ARHGAP39: variants seen among roughly 807,000 people sequenced by gnomAD.
The protein encoded by ARHGAP39 is Rho GTPase activating protein 39.
A neutral mutation model predicts 106.9 loss-of-function variants in ARHGAP39; 44 were observed. That is an observed-to-expected ratio of 0.41 (90% CI 0.32 to 0.53). The LOEUF (loss-of-function observed/expected upper bound fraction) is 0.53, where lower values mean the gene tolerates loss of function less well. Ranked by LOEUF, ARHGAP39 falls within the 20% of genes least tolerant of loss-of-function variation. The pLI, the probability that ARHGAP39 is intolerant of heterozygous loss-of-function variation, is 0.21. For synonymous variants in ARHGAP39, 768 were observed against 693.2 expected, an observed-to-expected ratio of 1.11 and a Z score of -1.69; for missense variants, 1,496 against 1,577.3, an observed-to-expected ratio of 0.95 and a Z score of 0.87.
chr8:144,603,177 G>A (rs1387074871), intron 2 of ARHGAP39, among the ~76,000 whole-genome samples: 1 of 139,726 alleles, frequency 7.2e-6, no homozygotes, highest in Non-Finnish European at 1.5e-5. Flanking sequence ...GCGAGCTCAT[G>A]TACCTGTGTG....
At chr8:144,554,289 T>C (rs1817832788) in intron 4 of ARHGAP39, among the ~76,000 whole-genome samples, 1 of 152,110 alleles carries the variant, frequency 6.6e-6, no homozygotes, top group Admixed American at 6.5e-5. Context: ...GGCAGGACGC[T>C]GGGGCGGGCT....
At chr8:144,570,140 C>G (rs111839317) in intron 3 of ARHGAP39, among the ~76,000 whole-genome samples, 10,449 of 152,214 alleles carry the variant, frequency 0.069, 1,174 homozygotes, top group African/African-American at 0.23. Flanking sequence ...AGAATTACTT[C>G]ACCCGGGGAG....
intron 7 of ARHGAP39, among the ~76,000 whole-genome samples, chr8:144,537,206 T>G (rs1586876372): frequency 6.9e-6 from 1 of 145,766 alleles, no homozygotes; most frequent in Non-Finnish European, 1.5e-5. Flanking sequence ...GTGGGGAGGG[T>G]GGGGAAGCCC....
At chr8:144,635,856 G>A (rs1821160773) in intron 1 of ARHGAP39, among the ~76,000 whole-genome samples, 1 of 117,102 alleles carries the variant, frequency 8.5e-6, no homozygotes, top group Admixed American at 8.6e-5. Flanking sequence ...GAGGGGGGCT[G>A]AGGCTACCGC....
At chr8:144,630,704 G>GATC (rs945132940) in intron 1 of ARHGAP39, among the ~76,000 whole-genome samples, 1 of 152,258 alleles carries the variant, frequency 6.6e-6, no homozygotes, top group African/African-American at 2.4e-5. Context: ...CCCAGGGGGT[G>GATC]ATCACGTCCT....
chr8:144,623,116 C>T (rs1021337395), intron 1 of ARHGAP39, among the ~76,000 whole-genome samples: 1 of 152,198 alleles, frequency 6.6e-6, no homozygotes, highest in African/African-American at 2.4e-5. Context: ...ATCTTTGAAT[C>T]GTTTGGAGGA....
intron 3 of ARHGAP39, among the ~76,000 whole-genome samples, chr8:144,561,955 C>A (rs1358299280): frequency 1.3e-5 from 2 of 151,186 alleles, no homozygotes; most frequent in African/African-American, 4.9e-5. Context: ...CCAGTGGTTT[C>A]CATCGGACTC....
At chr8:144,577,352 A>T (rs1586571564) in intron 3 of ARHGAP39, among the ~76,000 whole-genome samples, 1 of 152,226 alleles carries the variant, frequency 6.6e-6, no homozygotes, top group African/African-American at 2.4e-5. Context: ...CCACGTGATC[A>T]TCTTAACTGA....
At chr8:144,589,794 C>T (rs1819322796) in intron 2 of ARHGAP39, among the ~76,000 whole-genome samples, 1 of 152,240 alleles carries the variant, frequency 6.6e-6, no homozygotes, top group Non-Finnish European at 1.5e-5. Flanking sequence ...ATCAGCAGCC[C>T]TGGGCACAGC....
intron 1 of ARHGAP39, among the ~76,000 whole-genome samples, chr8:144,654,595 G>A (rs767268795): frequency 6.6e-6 from 1 of 152,218 alleles, no homozygotes; most frequent in African/African-American, 2.4e-5. Flanking sequence ...CAGCAGGGAG[G>A]CGTGGCCAGG....
intron 3 of ARHGAP39, among the ~76,000 whole-genome samples, chr8:144,579,478 C>T (rs1238115229): frequency 6.6e-6 from 1 of 152,154 alleles, no homozygotes; most frequent in African/African-American, 2.4e-5. Flanking sequence ...GCTGCTCACC[C>T]TGCCCTGAAT....
intron 1 of ARHGAP39, among the ~76,000 whole-genome samples, chr8:144,633,143 TTTTGTTTG>T (rs199734479): frequency 2.7e-5 from 4 of 148,612 alleles, no homozygotes; most frequent in Admixed American, 6.8e-5. Flanking sequence ...CCCTGTTTTT[TTTTGTTTG>T]TTTGTTTGTT....
chr8:144,616,402 AC>A (rs1820637305), intron 1 of ARHGAP39, among the ~76,000 whole-genome samples: 3 of 152,072 alleles, frequency 2.0e-5, no homozygotes, highest in Admixed American at 1.3e-4. Flanking sequence ...AAATGAGAAA[AC>A]CCATGGAAGG....
chr8:144,593,019 T>C (rs997859607), intron 2 of ARHGAP39, among the ~76,000 whole-genome samples: 2 of 152,146 alleles, frequency 1.3e-5, no homozygotes, highest in Non-Finnish European at 2.9e-5. Context: ...TAAAATGAAG[T>C]GGGAAGAGAA....
Position 144,676,385 on chromosome 8 carries a change from T to C in ARHGAP39, c.-82+9301A>G, listed in dbSNP as rs542398645. 4.0e-5 allele frequency among the ~76,000 whole-genome samples: 6 copies of C among 151,726 alleles called. No homozygotes were observed. The South Asian group carries it at 1.2e-3, about 32-fold the overall frequency. On this transcript the variant is annotated intron_variant, in intron 1 of 11. Transcript: ENST00000377307. ...AGATTAGCTAGACACAGAGCACTGA[T>C]TGGTGCGTTTACAAACCTTGAGCTA...
intron 3 of ARHGAP39, among the ~76,000 whole-genome samples, chr8:144,573,772 AT>A (rs1818668484): frequency 6.6e-6 from 1 of 152,244 alleles, no homozygotes. Flanking sequence ...TCTCAAAAAA[AT>A]AAAAAAATTA....
upstream of ARHGAP39, among the ~76,000 whole-genome samples, chr8:144,689,860 C>T (rs898114050): frequency 6.6e-6 from 1 of 150,666 alleles, no homozygotes; most frequent in African/African-American, 2.4e-5. Context: ...ATTCTCCTGC[C>T]TCAGCCTCCC....
chr8:144,532,478 G>T, intron 9 of ARHGAP39, 82 bp from the exon 10 acceptor site: 2 of 1,307,602 alleles, frequency 1.5e-6, no homozygotes, highest in Non-Finnish European at 1.1e-6. Context: ...CCTCCGGTAG[G>T]CCCCTGCTGA....
intron 3 of ARHGAP39, among the ~76,000 whole-genome samples, chr8:144,561,797 G>GACTTACTCCAGTGGTTTCCATCAT (rs1169623201): frequency 7.2e-6 from 1 of 138,660 alleles, no homozygotes. Context: ...GTTTCCATCG[G>GACTTACTCCAGTGGTTTCCATCAT]ACCCCAGTGC....
Sources: gnomAD v4.1 joint callset for allele counts (sites outside exome capture counted in the v4.1 genomes callset) on GRCh38, gnomAD v4.1.1 for gene constraint, MANE v1.5 for transcripts, NCBI Gene and HGNC (gene_info 2026-07-23, HGNC 2026-07-21) for gene names.